The following PABPC4L variants were observed in gnomAD, a reference collection of about 807,000 sequenced individuals.
PABPC4L encodes the protein poly(A) binding protein cytoplasmic 4 like.
For synonymous variants in PABPC4L, 169 were observed against 164.1 expected, an observed-to-expected ratio of 1.03 and a Z score of -0.23; for missense variants, 452 against 451.4, an observed-to-expected ratio of 1.00 and a Z score of -0.01.
At chr4:133,988,688 C>G in the PABPC4L span, among the ~76,000 whole-genome samples, 1 of 152,166 alleles carries the variant, frequency 6.6e-6, no homozygotes, top group Admixed American at 6.5e-5. Flanking sequence ...GTCAGTGGAT[C>G]TACCATTCTG....
At chr4:134,091,702 GT>G in the PABPC4L span, among the ~76,000 whole-genome samples, 1 of 150,666 alleles carries the variant, frequency 6.6e-6, no homozygotes, top group African/African-American at 2.4e-5. Context: ...AAATTTTTGA[GT>G]TTTTTTTTAA....
chr4:134,166,826 C>T, the PABPC4L span, among the ~76,000 whole-genome samples: 1 of 152,168 alleles, frequency 6.6e-6, no homozygotes, highest in East Asian at 1.9e-4. Flanking sequence ...ATGCCTCATG[C>T]CCACCCTCTG....
At chr4:134,162,570 T>G in the PABPC4L span, among the ~76,000 whole-genome samples, 1 of 152,102 alleles carries the variant, frequency 6.6e-6, no homozygotes, top group Non-Finnish European at 1.5e-5. Context: ...TACACTCTTC[T>G]CATCAGCACA....
the PABPC4L span, among the ~76,000 whole-genome samples, chr4:134,077,209 C>T: frequency 1.3e-5 from 2 of 152,228 alleles, no homozygotes; most frequent in African/African-American, 4.8e-5. Flanking sequence ...ATCTTGAAAA[C>T]TTCTGTACAG....
the PABPC4L span, among the ~76,000 whole-genome samples, chr4:134,010,231 C>A: frequency 6.6e-6 from 1 of 151,854 alleles, no homozygotes; most frequent in African/African-American, 2.4e-5. Context: ...TAATTTGCAA[C>A]CTGCTTTACA....
the PABPC4L span, among the ~76,000 whole-genome samples, chr4:134,091,128 G>T: frequency 6.6e-6 from 1 of 152,044 alleles, no homozygotes; most frequent in Admixed American, 6.6e-5. Flanking sequence ...CATGTGAGTT[G>T]TCCTAATCGA....
At chr4:134,040,513 T>C in the PABPC4L span, among the ~76,000 whole-genome samples, 1 of 152,152 alleles carries the variant, frequency 6.6e-6, no homozygotes, top group Non-Finnish European at 1.5e-5. Flanking sequence ...TTGAGAAAAC[T>C]GGCTAGCCAT....
the PABPC4L span, among the ~76,000 whole-genome samples, chr4:134,113,060 A>T: frequency 6.6e-6 from 1 of 151,962 alleles, no homozygotes. Context: ...AATGGAAAAA[A>T]ATTTATAGAA....
the PABPC4L span, among the ~76,000 whole-genome samples, chr4:133,954,223 C>A: frequency 7.2e-5 from 11 of 152,138 alleles, no homozygotes; most frequent in Admixed American, 6.5e-4. Context: ...TTTTGGGAGA[C>A]ATATGTCGGG....
the PABPC4L span, among the ~76,000 whole-genome samples, chr4:134,119,271 G>T: frequency 6.6e-6 from 1 of 151,500 alleles, no homozygotes; most frequent in African/African-American, 2.4e-5. Context: ...GTATCACACA[G>T]CAAGTTAAAG....
At chr4:133,981,051 C>T in the PABPC4L span, among the ~76,000 whole-genome samples, 1 of 152,040 alleles carries the variant, frequency 6.6e-6, no homozygotes, top group Non-Finnish European at 1.5e-5. Flanking sequence ...ATTTCAGCTA[C>T]TAGGGAGGTT....
chr4:134,128,471 C>T, the PABPC4L span, among the ~76,000 whole-genome samples: 1 of 152,172 alleles, frequency 6.6e-6, no homozygotes, highest in Non-Finnish European at 1.5e-5. Flanking sequence ...AGAAACCCTA[C>T]AGACTAGAAG....
At chr4:134,109,785 A>G in the PABPC4L span, among the ~76,000 whole-genome samples, 2 of 151,068 alleles carry the variant, frequency 1.3e-5, no homozygotes, top group East Asian at 3.9e-4. Flanking sequence ...TTGCTCTGTC[A>G]CTCAGGCTGG....
At chr4:134,171,254 TAC>T in the PABPC4L span, among the ~76,000 whole-genome samples, 1 of 152,126 alleles carries the variant, frequency 6.6e-6, no homozygotes, top group Non-Finnish European at 1.5e-5. Flanking sequence ...TAGCTGAGAT[TAC>T]AGGTGCATGC....
chr4:134,103,462 C>T, the PABPC4L span, among the ~76,000 whole-genome samples: 1 of 151,768 alleles, frequency 6.6e-6, no homozygotes, highest in South Asian at 2.1e-4. Context: ...TGGCCACCTT[C>T]TCACTGTCCT....
the PABPC4L span, among the ~76,000 whole-genome samples, chr4:134,117,401 A>C: frequency 6.6e-6 from 1 of 151,790 alleles, no homozygotes; most frequent in Non-Finnish European, 1.5e-5. Context: ...AAGCCCTGAT[A>C]ACTACATGGA....
chr4:134,177,644 T>C, the PABPC4L span, among the ~76,000 whole-genome samples: 10 of 152,216 alleles, frequency 6.6e-5, no homozygotes, highest in African/African-American at 2.2e-4. Context: ...TGAACTCATC[T>C]GGTAAGCACA....
chr4:133,964,143 C>T, the PABPC4L span, among the ~76,000 whole-genome samples: 20 of 152,152 alleles, frequency 1.3e-4, no homozygotes, highest in Non-Finnish European at 2.1e-4. Flanking sequence ...GGAGATATTA[C>T]AACTGACACC....
In PABPC4L at chr4:134,200,770, T is replaced by C. The variant is rs1426302702; in HGVS notation, c.250A>G (p.Met84Val). Residue 84 changes from methionine (M) to valine (V), a missense_variant, in exon 2 of 2, where the codon ATG becomes GTG. Physicochemically the swap from Met to Val is conservative, Grantham distance 21. Coordinates refer to ENST00000421491, the MANE Select transcript of PABPC4L (RefSeq NM_001114734.2). ...AAGTAGGCATCGCGCTGAGACCACA[T>C]GAGACGGATGGATTTGCCTTTTATG... The part of the protein sequence containing the change: ...DIIKGKSIRL[M>V]WSQRDAYLRR... The C allele has an allele frequency of 1.3e-6, 2 of 1,551,670 alleles. No homozygotes were observed. The highest frequency in any genetic ancestry group is 1.4e-5 in the African/African-American group (1 of 73,050).
Sources: allele counts gnomAD v4.1 joint callset (sites outside exome capture counted in the v4.1 genomes callset), GRCh38; gene constraint gnomAD v4.1.1; transcripts MANE v1.5; gene names NCBI Gene and HGNC (gene_info 2026-07-23, HGNC 2026-07-21).